The following KDR variants were observed in gnomAD, a reference collection of about 807,000 sequenced individuals.
The protein encoded by KDR is vascular endothelial growth factor receptor 2.
A neutral mutation model predicts 160.9 loss-of-function variants in KDR; 43 were observed. The ratio of observed to expected loss-of-function variants is 0.27; its 90% CI spans 0.21 to 0.34. The LOEUF (loss-of-function observed/expected upper bound fraction) is 0.34, where lower values mean the gene tolerates loss of function less well. KDR is among the 10% of genes least tolerant of loss of function. KDR has a pLI of 1.00. For missense variants in KDR, 1,469 were observed against 1,666.4 expected (o/e 0.88, Z 2.06); for synonymous variants, 617 against 600.1 (o/e 1.03, Z -0.41).
intron 19 of KDR, 48 bp from the exon 20 acceptor site, chr4:55,095,713 CT>C: frequency 7.4e-7 from 1 of 1,354,632 alleles, no homozygotes; most frequent in Non-Finnish European, 1.1e-6. Context: ...ACTCATATTC[CT>C]CACTAAGCGT....
chr4:55,109,459 G>C (rs1002011640), intron 9 of KDR, among the ~76,000 whole-genome samples: 2 of 152,044 alleles, frequency 1.3e-5, no homozygotes, highest in Non-Finnish European at 2.9e-5. Flanking sequence ...GGACACGTAG[G>C]GAAGCACCTT....
chr4:55,083,860 A>G (rs1365527707), intron 27 of KDR, among the ~76,000 whole-genome samples: 2 of 152,212 alleles, frequency 1.3e-5, no homozygotes, highest in African/African-American at 4.8e-5. Flanking sequence ...AGGAAACTCC[A>G]CAAGTTAAGA....
rs539351367 is a variant in KDR at position 55,120,383 on chromosome 4, C to A, written c.161+714G>T. Among the ~76,000 whole-genome samples the A allele has an allele frequency of 1.6e-4, 24 of 152,216 alleles. No homozygotes were observed. The South Asian group carries it at 2.5e-3, about 16-fold the overall frequency. On this transcript the variant is annotated intron_variant, in intron 2 of 29. Transcript: ENST00000263923. ...TGATCACTATGTTAAACCCAAGGGTCTTCTATCTTTCGTCCTGGGGTAAGG... is the reference window on the plus strand; with the variant it reads ...TGATCACTATGTTAAACCCAAGGGTATTCTATCTTTCGTCCTGGGGTAAGG...
chr4:55,109,757 T>C (rs2110026715), intron 9 of KDR, among the ~76,000 whole-genome samples: 1 of 152,298 alleles, frequency 6.6e-6, no homozygotes, highest in African/African-American at 2.4e-5. Context: ...CACACTCACT[T>C]GACCATGGCA....
intron 22 of KDR, 190 bp downstream of exon 22, chr4:55,092,426 GC>G (rs1009923168): frequency 6.5e-6 from 4 of 613,528 alleles, no homozygotes; most frequent in African/African-American, 3.7e-5. Flanking sequence ...TTATTATACA[GC>G]TTAATTTCAT....
At chr4:55,098,353 G>C in intron 16 of KDR, 81 bp from the exon 17 acceptor site, 1 of 1,505,250 alleles carries the variant, frequency 6.6e-7, no homozygotes, top group Non-Finnish European at 9.2e-7. Context: ...CTGTTTATTG[G>C]AGCCTCATTC....
intron 27 of KDR, among the ~76,000 whole-genome samples, chr4:55,084,241 T>C (rs1250780114): frequency 6.6e-6 from 1 of 152,198 alleles, no homozygotes; most frequent in Non-Finnish European, 1.5e-5. Context: ...AGATCAGATA[T>C]GCCCTTTAGA....
chr4:55,089,670 G>A (rs1719958333), intron 24 of KDR, 21 bp downstream of exon 24: 2 of 1,593,874 alleles, frequency 1.3e-6, no homozygotes, highest in African/African-American at 1.3e-5. Context: ...CTGGATGGAA[G>A]GACAAAAAGA....
At chr4:55,117,209 C>G (rs78508765) in intron 3 of KDR, among the ~76,000 whole-genome samples, 1 of 152,094 alleles carries the variant, frequency 6.6e-6, no homozygotes, top group East Asian at 1.9e-4. Context: ...ACCACCCAGC[C>G]TCTCAAAATA....
intron 7 of KDR, among the ~76,000 whole-genome samples, chr4:55,112,604 C>A (rs1434230531): frequency 6.7e-6 from 1 of 150,044 alleles, no homozygotes; most frequent in Non-Finnish European, 1.5e-5. Flanking sequence ...TCTTGGCTCA[C>A]TGCAACCTCC....
At chr4:55,110,336 T>G in intron 9 of KDR, 67 bp downstream of exon 9, 2 of 1,526,772 alleles carry the variant, frequency 1.3e-6, no homozygotes, top group South Asian at 1.1e-5. Flanking sequence ...GAACGGTGGT[T>G]TGGCTGATTT....
At position 55,079,787 on chromosome 4, in the gene KDR, A is replaced by G. The variant is rs1215292079; in HGVS notation, c.*154T>C. On this transcript the variant is annotated 3_prime_UTR_variant, in exon 30 of 30. Transcript: ENST00000263923. The stretch of plus-strand genomic sequence containing the variant: ...CACAAGCCTCTTCCAGGATATGCCT[A>G]GAAGACTGGCTCCCTGCAGTCCGAG... The G allele has an allele frequency of 1.4e-6, 1 of 708,014 alleles. No homozygotes were observed. Among genetic ancestry groups the G allele is most frequent in the Non-Finnish European group, 2.5e-6 (1 of 394,198 alleles). The allele number at this position is 708,014 out of a possible 1,614,324, so 43.9% of individuals were successfully genotyped here. A position where few individuals can be genotyped will look rare whatever the true frequency, so the allele number is the denominator to read the frequency against.
In KDR at chr4:55,079,807, T is replaced by A; in HGVS notation, c.*134A>T. ...TGCCTAGAAGACTGGCTCCCTGCAG[T>A]CCGAGGTCCTTTTTCTGTTGTCGAA... is the stretch of plus-strand genomic sequence containing the variant. On this transcript the variant is annotated 3_prime_UTR_variant, in exon 30 of 30. Transcript: ENST00000263923. 2 of 799,110 alleles carry A rather than the reference T, an allele frequency of 2.5e-6. No individual in the cohort carries two copies. Among genetic ancestry groups the A allele is most frequent in the Non-Finnish European group, 4.3e-6 (2 of 461,118 alleles). 49.5% of individuals were successfully genotyped at this position (799,110 alleles called of 1,614,324 possible). A position where few individuals can be genotyped will look rare whatever the true frequency, so the allele number is the denominator to read the frequency against.
At position 55,089,411 on chromosome 4, in the gene KDR, T is replaced by C. The variant is rs761843453; in HGVS notation, c.3367A>G (p.Thr1123Ala). Residue 1123 changes from threonine (T) to alanine (A), a missense_variant, in exon 25 of 30, where the codon ACT (threonine) becomes GCT (alanine). Physicochemically the swap from Thr to Ala is moderately conservative, Grantham distance 58. Around this residue, in one of 7 missense-constraint regions of KDR, gnomAD observed 132 missense variants for 195.9 expected, o/e 0.67. Transcript: ENST00000263923. ...GTATAATCAGGGGCCCTCATTCTAGTTCCTTCTTTCAATCGCCTACAAAAT... is the reference window on the plus strand; with the variant it reads ...GTATAATCAGGGGCCCTCATTCTAGCTCCTTCTTTCAATCGCCTACAAAAT... ...EEFCRRLKEGTRMRAPDYTTP... is the reference protein window; with the variant it reads ...EEFCRRLKEGARMRAPDYTTP... 6.2e-7 allele frequency: 1 copy of C among 1,612,888 alleles called. No individual in the cohort carries two copies. The highest frequency in any genetic ancestry group is 1.1e-5 in the South Asian group (1 of 91,028).
chr4:55,113,764 G>A (rs181174742), intron 6 of KDR, among the ~76,000 whole-genome samples: 87 of 152,316 alleles, frequency 5.7e-4, no homozygotes, highest in Non-Finnish European at 2.6e-4. Context: ...AAGGAGCAGT[G>A]TATCTCATGC....
chr4:55,122,411 C>T (rs1009649866), intron 1 of KDR, among the ~76,000 whole-genome samples: 1 of 152,168 alleles, frequency 6.6e-6, no homozygotes, highest in Non-Finnish European at 1.5e-5. Context: ...GAAAAAATGA[C>T]TCCCTAGGCC....
rs1177325277 is a variant in KDR at position 55,125,286 on chromosome 4, C to G, written c.8G>C (p.Ser3Thr). The G allele has an allele frequency of 5.6e-6, 9 of 1,612,396 alleles. No individual in the cohort carries two copies. Among genetic ancestry groups the G allele is most frequent in the Non-Finnish European group, 7.6e-6 (9 of 1,179,586 alleles). ...CAGGGCGACGGCCAGCAGCACCTTG[C>G]TCTGCATCCTGCACCTCGAGCCGGG... The part of the protein sequence containing the change: MQ[S>T]KVLLAVALWL... Residue 3 changes from serine (S) to threonine (T), a missense_variant, in exon 1 of 30, where the codon AGC (serine) becomes ACC (threonine). Coordinates refer to ENST00000263923, the MANE Select transcript of KDR (RefSeq NM_002253.4).
Position 55,107,830 on chromosome 4 carries a change from G to A in KDR, c.1319C>T (p.Thr440Ile), listed in dbSNP as rs1415785271. 1.9e-6 allele frequency: 3 copies of A among 1,613,958 alleles called. No homozygotes were observed. Among genetic ancestry groups the A allele is most frequent in the South Asian group, 1.1e-5 (1 of 91,082 alleles). The part of the protein sequence containing the change: ...SPVDSYQYGT[T>I]QTLTCTVYAI... ...ATAGACCGTACATGTCAGCGTTTGA[G>A]TGGTGCCGTACTGGTAGGAATCCAC... Residue 440 changes from threonine to isoleucine, a missense_variant, in exon 10 of 30, where the codon ACT becomes ATT. Around this residue, in one of 7 missense-constraint regions of KDR, gnomAD observed 792 missense variants for 840.9 expected, o/e 0.94. Coordinates refer to ENST00000263923, the MANE Select transcript of KDR (RefSeq NM_002253.4).
chr4:55,090,397 C>CTTA (rs1719980355), intron 22 of KDR, among the ~76,000 whole-genome samples: 2 of 152,038 alleles, frequency 1.3e-5, no homozygotes, highest in African/African-American at 2.4e-5. Context: ...TTTACCTGGC[C>CTTA]CCATATTTGG....
Sources: gnomAD v4.1 joint callset for allele counts (sites outside exome capture counted in the v4.1 genomes callset) on GRCh38, gnomAD v4.1.1 for gene constraint, gnomAD v4.1.1 regional missense constraint, MANE v1.5 for transcripts, NCBI Gene and HGNC (gene_info 2026-07-23, HGNC 2026-07-21) for gene names.